Variants in P2RY8 observed in about 807,000 individuals in gnomAD.
P2RY8 encodes S-geranylgeranyl-glutathione receptor P2RY8.
In P2RY8, 6 loss-of-function variants were observed where a neutral mutation model predicts 10.0. The observed-to-expected ratio is 0.60, with a 90% confidence interval of 0.33 to 1.19. P2RY8 has a LOEUF of 1.19. Ranked by LOEUF, P2RY8 falls within the 50% of genes most tolerant of loss-of-function variation. P2RY8 has a pLI of 0.04. For missense variants in P2RY8, 456 were observed against 542.0 expected, an observed-to-expected ratio of 0.84 and a Z score of 1.58; for synonymous variants, 276 against 252.5, an observed-to-expected ratio of 1.09 and a Z score of -0.88.
rs757595427 is a variant in P2RY8, at chrX:1,506,552, G to C, written c.-25+30369C>G. Among the ~76,000 whole-genome samples, 24 of 152,286 alleles carry C rather than the reference G, an allele frequency of 1.6e-4. 1 individual carries two copies. Among genetic ancestry groups the C allele is most frequent in the Admixed American group, 9.8e-4 (15 of 15,288 alleles). ...AAAGAAAGAAGGCAGAGGAGAGAGA[G>C]AGGTGTTTGGATGTAAAGATGTATC... On this transcript the variant is annotated intron_variant, in intron 1 of 1. Coordinates refer to ENST00000381297, the MANE Select transcript of P2RY8 (RefSeq NM_178129.5).
At chrX:1,517,845 A>G (rs34833803) in intron 1 of P2RY8, among the ~76,000 whole-genome samples, 15,042 of 152,138 alleles carry the variant, frequency 0.099, 834 homozygotes, top group Middle Eastern at 0.14. Flanking sequence ...GCGGTGGCTC[A>G]CGCCTGTCAT....
intron 1 of P2RY8, among the ~76,000 whole-genome samples, chrX:1,501,910 A>T (rs1407831522): frequency 6.7e-6 from 1 of 149,154 alleles, no homozygotes; most frequent in Non-Finnish European, 1.5e-5. Context: ...ATTTTTATTG[A>T]TTATTATTAT....
At chrX:1,477,848 C>A (rs760322430) in intron 1 of P2RY8, among the ~76,000 whole-genome samples, 3 of 152,246 alleles carry the variant, frequency 2.0e-5, no homozygotes, top group Non-Finnish European at 4.4e-5. Flanking sequence ...AAGAGGCTTT[C>A]GGGGAGAGAA....
intron 1 of P2RY8, among the ~76,000 whole-genome samples, chrX:1,522,722 G>C (rs1195376214): frequency 6.6e-6 from 1 of 151,964 alleles, no homozygotes; most frequent in African/African-American, 2.4e-5. Flanking sequence ...AGTGAGCTAT[G>C]ATGAAGTCAC....
intron 1 of P2RY8, among the ~76,000 whole-genome samples, chrX:1,497,491 C>G (rs1389955807): frequency 6.6e-6 from 1 of 151,104 alleles, no homozygotes; most frequent in Admixed American, 6.6e-5. Flanking sequence ...AACCCTGTGT[C>G]TACTAAAGAT....
intron 1 of P2RY8, among the ~76,000 whole-genome samples, chrX:1,486,351 C>T (rs754039121): frequency 6.6e-6 from 1 of 152,226 alleles, no homozygotes; most frequent in African/African-American, 2.4e-5. Context: ...ACAACGTGGC[C>T]CCCCCATGCA....
intron 1 of P2RY8, among the ~76,000 whole-genome samples, chrX:1,468,228 C>T (rs1236466578): frequency 1.3e-5 from 2 of 152,248 alleles, no homozygotes; most frequent in African/African-American, 4.8e-5. Context: ...GTGAGCAACA[C>T]ACCTGGGCTG....
At chrX:1,494,994 G>A (rs368567002) in intron 1 of P2RY8, among the ~76,000 whole-genome samples, 24 of 151,926 alleles carry the variant, frequency 1.6e-4, no homozygotes, top group African/African-American at 2.2e-4. Flanking sequence ...CTGGGATTAC[G>A]GGCATGAGCC....
intron 1 of P2RY8, among the ~76,000 whole-genome samples, chrX:1,487,590 C>G (rs1159430922): frequency 6.6e-6 from 1 of 152,134 alleles, no homozygotes; most frequent in Non-Finnish European, 1.5e-5. Flanking sequence ...ACACCTGCGC[C>G]TCTGAGCCTG....
intron 1 of P2RY8, among the ~76,000 whole-genome samples, chrX:1,536,181 A>G (rs2092524940): frequency 6.6e-6 from 1 of 152,096 alleles, no homozygotes; most frequent in Non-Finnish European, 1.5e-5. Flanking sequence ...TCAGGCGTAA[A>G]TGGGTTACGT....
chrX:1,518,707 G>T (rs1476384203), intron 1 of P2RY8, among the ~76,000 whole-genome samples: 1 of 151,336 alleles, frequency 6.6e-6, no homozygotes, highest in African/African-American at 2.4e-5. Context: ...AAATCTGTTT[G>T]GTTCTCCCTG....
intron 1 of P2RY8, among the ~76,000 whole-genome samples, chrX:1,493,178 C>T (rs775923519): frequency 1.3e-5 from 2 of 150,214 alleles, no homozygotes; most frequent in African/African-American, 2.5e-5. Context: ...ATCCCAGCTA[C>T]GTGGGAGGCT....
chrX:1,522,264 T>A (rs1171327925), intron 1 of P2RY8, among the ~76,000 whole-genome samples: 1 of 150,772 alleles, frequency 6.6e-6, no homozygotes, highest in Non-Finnish European at 1.5e-5. Context: ...CCTCTTTTTC[T>A]CGCTTAAAAA....
intron 1 of P2RY8, among the ~76,000 whole-genome samples, chrX:1,505,789 C>T (rs776455696): frequency 2.0e-4 from 30 of 152,100 alleles, no homozygotes; most frequent in African/African-American, 7.0e-4. Context: ...GACTGCGTCT[C>T]AAAAACAAAC....
At chrX:1,494,361 C>T (rs2092096943) in intron 1 of P2RY8, 1 of 152,370 alleles carries the variant, frequency 6.6e-6, no homozygotes, top group South Asian at 2.1e-4. Flanking sequence ...CTCTTAGCTG[C>T]GATCTGTCAT....
At chrX:1,525,752 A>T (rs1569538750) in intron 1 of P2RY8, among the ~76,000 whole-genome samples, 1 of 151,974 alleles carries the variant, frequency 6.6e-6, no homozygotes, top group Non-Finnish European at 1.5e-5. Context: ...TTCCTTATCC[A>T]TCCACTCATC....
At chrX:1,507,395 T>C (rs2092244464) in intron 1 of P2RY8, among the ~76,000 whole-genome samples, 1 of 152,032 alleles carries the variant, frequency 6.6e-6, no homozygotes, top group Non-Finnish European at 1.5e-5. Flanking sequence ...ATAGTCAACC[T>C]CATCTCTCGT....
At chrX:1,497,386 G>A (rs1169635470) in intron 1 of P2RY8, among the ~76,000 whole-genome samples, 4 of 151,172 alleles carry the variant, frequency 2.6e-5, no homozygotes, top group South Asian at 2.1e-4. Context: ...GGCCGGGCAC[G>A]GTGGCTCACA....
chrX:1,485,532 T>C (rs2091978813), intron 1 of P2RY8, among the ~76,000 whole-genome samples: 2 of 151,310 alleles, frequency 1.3e-5, no homozygotes, highest in African/African-American at 4.8e-5. Flanking sequence ...TGTTTCTCTT[T>C]TATATTGTAA....
Sources: gnomAD v4.1 joint callset for allele counts (sites outside exome capture counted in the v4.1 genomes callset) on GRCh38, gnomAD v4.1.1 for gene constraint, MANE v1.5 for transcripts, NCBI Gene and HGNC (gene_info 2026-07-23, HGNC 2026-07-21) for gene names.